ARHGAP17: variants seen among roughly 807,000 people sequenced by gnomAD.
The protein encoded by ARHGAP17 is rho GTPase-activating protein 17.
A neutral mutation model predicts 99.5 loss-of-function variants in ARHGAP17; 57 were observed. That is an observed-to-expected ratio of 0.57 (90% CI 0.46 to 0.71). The LOEUF (loss-of-function observed/expected upper bound fraction) is 0.71. Ranked by LOEUF, ARHGAP17 falls within the 30% of genes least tolerant of loss-of-function variation. ARHGAP17 has a pLI of 0.00. For synonymous variants in ARHGAP17, 417 were observed against 429.6 expected (o/e 0.97, Z 0.36); for missense variants, 1,000 against 1,122.4 (o/e 0.89, Z 1.56).
intron 1 of ARHGAP17, among the ~76,000 whole-genome samples, chr16:24,998,326 G>A (rs947471652): frequency 6.6e-6 from 1 of 151,950 alleles, no homozygotes; most frequent in Non-Finnish European, 1.5e-5. Context: ...GCAGATGGAG[G>A]GAGGTGAAAG....
At position 24,956,709 on chromosome 16, in the gene ARHGAP17, A is replaced by T. The variant is rs2051819675; in HGVS notation, c.725-1979T>A. 2.0e-5 allele frequency: 3 copies of T among 152,220 alleles called. No individual in the cohort carries two copies. In the South Asian group the frequency reaches 6.2e-4, roughly 31 times the overall value. 9.4% of individuals were successfully genotyped at this position (152,220 alleles called of 1,614,324 possible). A position where few individuals can be genotyped will look rare whatever the true frequency, so the allele number is the denominator to read the frequency against. The stretch of plus-strand genomic sequence containing the variant: ...GGGAAAGCAAAGCCAGTGTTGCCAG[A>T]TGTTCTCAACTTTCAGGAGAAGCCA... On this transcript the variant is annotated intron_variant, in intron 9 of 19. Coordinates refer to ENST00000289968, the MANE Select transcript of ARHGAP17 (RefSeq NM_001006634.3).
intron 1 of ARHGAP17, among the ~76,000 whole-genome samples, chr16:24,983,452 C>T (rs546733311): frequency 2.0e-5 from 3 of 151,812 alleles, no homozygotes; most frequent in East Asian, 3.9e-4. Flanking sequence ...GAGATGCGCA[C>T]CATCATGCCC....
At chr16:24,964,067 A>C (rs1359239549) in intron 7 of ARHGAP17, 130 bp downstream of exon 7, 1 of 588,458 alleles carries the variant, frequency 1.7e-6, no homozygotes, top group Admixed American at 3.7e-5. Flanking sequence ...AGAAGAAAAT[A>C]AAACCTACCT....
At chr16:24,964,111 T>C in intron 7 of ARHGAP17, 86 bp downstream of exon 7, 2 of 876,946 alleles carry the variant, frequency 2.3e-6, no homozygotes, top group East Asian at 2.7e-5. Context: ...ATAGAAATTA[T>C]TTAAAACATT....
chr16:24,940,538 A>AT (rs919430701), intron 16 of ARHGAP17, among the ~76,000 whole-genome samples: 26 of 152,140 alleles, frequency 1.7e-4, no homozygotes, highest in Non-Finnish European at 3.7e-4. Flanking sequence ...ACAAAAAACT[A>AT]TTTTTTTAGA....
At chr16:24,952,226 AAATAGGGCAC>A in intron 12 of ARHGAP17, 53 bp downstream of exon 12, 1 of 1,282,090 alleles carries the variant, frequency 7.8e-7, no homozygotes, top group Non-Finnish European at 1.1e-6. Flanking sequence ...AATGATTTGC[AAATAGGGCAC>A]AATATCACTT....
intron 1 of ARHGAP17, among the ~76,000 whole-genome samples, chr16:24,983,661 G>A (rs556362100): frequency 2.3e-4 from 35 of 152,130 alleles, no homozygotes; most frequent in Middle Eastern, 6.8e-3. Flanking sequence ...GGTTTTTTCT[G>A]CTTTGTCAGA....
chr16:24,964,434 A>T (rs1372698725), intron 6 of ARHGAP17, 126 bp from the exon 7 acceptor site: 1 of 674,104 alleles, frequency 1.5e-6, no homozygotes, highest in Non-Finnish European at 2.6e-6. Context: ...ATCATTGCCC[A>T]GGATGCCAAA....
chr16:25,003,654 T>A (rs71391587), intron 1 of ARHGAP17, among the ~76,000 whole-genome samples: 1 of 151,660 alleles, frequency 6.6e-6, no homozygotes, highest in Non-Finnish European at 1.5e-5. Context: ...TGAAACCCTG[T>A]CTCTACTAAA....
intron 19 of ARHGAP17, chr16:24,927,588 C>T (rs1205458163): frequency 2.2e-6 from 1 of 458,900 alleles, no homozygotes; most frequent in Non-Finnish European, 3.3e-6. Context: ...TGCAAGCAGG[C>T]AGGGTTAGGG....
intron 1 of ARHGAP17, among the ~76,000 whole-genome samples, chr16:24,979,632 C>T (rs751464508): frequency 3.3e-5 from 5 of 152,080 alleles, no homozygotes; most frequent in Admixed American, 6.6e-5. Context: ...TAAACCAACA[C>T]GGTGGCCAGC....
intron 1 of ARHGAP17, among the ~76,000 whole-genome samples, chr16:24,984,576 A>G (rs2141392353): frequency 6.6e-6 from 1 of 152,154 alleles, no homozygotes; most frequent in East Asian, 1.9e-4. Context: ...GAATGGTGTG[A>G]TCCCGGGAGG....
intron 6 of ARHGAP17, among the ~76,000 whole-genome samples, chr16:24,967,434 A>C (rs1194917986): frequency 1.3e-5 from 2 of 152,230 alleles, no homozygotes; most frequent in African/African-American, 4.8e-5. Flanking sequence ...TAAAGCAGGA[A>C]ACAGGACTGA....
intron 19 of ARHGAP17, chr16:24,929,604 A>G: frequency 7.1e-6 from 7 of 987,952 alleles, no homozygotes; most frequent in Non-Finnish European, 8.4e-6. Flanking sequence ...GCTCGGGGCC[A>G]TTACAGACCT....
At chr16:24,975,262 G>T (rs2052480786) in intron 3 of ARHGAP17, among the ~76,000 whole-genome samples, 1 of 152,238 alleles carries the variant, frequency 6.6e-6, no homozygotes. Flanking sequence ...GATCATGCAT[G>T]CTAGAATAGA....
At chr16:24,921,289 T>G (rs2152435730) in intron 19 of ARHGAP17, among the ~76,000 whole-genome samples, 1 of 152,274 alleles carries the variant, frequency 6.6e-6, no homozygotes, top group East Asian at 1.9e-4. Context: ...AGAGCCTCAT[T>G]AGGTATTTTA....
intron 10 of ARHGAP17, among the ~76,000 whole-genome samples, chr16:24,953,289 G>C (rs1339135556): frequency 2.0e-5 from 3 of 152,172 alleles, no homozygotes; most frequent in East Asian, 1.9e-4. Flanking sequence ...GACATTTTAG[G>C]CTGGATGATT....
chr16:24,954,059 G>C (rs1289470966), intron 10 of ARHGAP17, among the ~76,000 whole-genome samples: 1 of 151,852 alleles, frequency 6.6e-6, no homozygotes, highest in Non-Finnish European at 1.5e-5. Context: ...AAAAAGCCTT[G>C]CATTTTGATT....
intron 6 of ARHGAP17, among the ~76,000 whole-genome samples, chr16:24,966,528 G>T (rs1243580977): frequency 6.6e-6 from 1 of 152,130 alleles, no homozygotes; most frequent in Non-Finnish European, 1.5e-5. Flanking sequence ...AACTATTAAG[G>T]AGGCTGAGAC....
Sources: allele counts gnomAD v4.1 joint callset (sites outside exome capture counted in the v4.1 genomes callset), GRCh38; gene constraint gnomAD v4.1.1; transcripts MANE v1.5; gene names NCBI Gene and HGNC (gene_info 2026-07-23, HGNC 2026-07-21).